The following GSE1 variants were observed in gnomAD, a reference collection of about 807,000 sequenced individuals.
GSE1 encodes Gse1 coiled-coil protein.
GSE1 carries 32 observed loss-of-function variants against 112.6 expected under a neutral mutation model. The observed-to-expected ratio is 0.28, with a 90% CI of 0.21 to 0.38. The LOEUF (loss-of-function observed/expected upper bound fraction) is 0.38, where lower values mean the gene tolerates loss of function less well. GSE1 is among the 10% of genes least tolerant of loss of function. The probability of loss-of-function intolerance (pLI) is 1.00; values close to 1 mark genes in which losing one functional copy is unlikely to be tolerated. For missense variants in GSE1, 2,348 were observed against 1,699.2 expected (o/e 1.38, Z -6.71); for synonymous variants, 1,115 against 735.6 (o/e 1.52, Z -8.35).
In GSE1 at chr16:85,654,900, C is replaced by G. The variant is rs764185314; in HGVS notation, c.706C>G (p.Leu236Val). ...CACCGACGACCTCCGCATGTCCTCA[C>G]TGCCTCCCCTCGGCCTGGACCCGGC... ...HTTDDLRMSS[L>V]PPLGLDPATA... The change falls in exon 5 of 16, where the codon CTG (leucine) becomes GTG (valine). Residue 236 changes from leucine to valine, a missense_variant. Transcript: ENST00000253458. 3.7e-6 allele frequency: 6 copies of G among 1,611,950 alleles called. No individual in the cohort carries two copies. Among genetic ancestry groups the G allele is most frequent in the Non-Finnish European group, 5.1e-6 (6 of 1,179,570 alleles).
At chr16:85,306,515 C>T (rs2045683211) in intron 1 of GSE1, among the ~76,000 whole-genome samples, 1 of 152,182 alleles carries the variant, frequency 6.6e-6, no homozygotes, top group African/African-American at 2.4e-5. Flanking sequence ...AGGAGAAAGG[C>T]TTTGAGTCAG....
intron 1 of GSE1, among the ~76,000 whole-genome samples, chr16:85,629,242 C>G (rs1276486528): frequency 6.6e-6 from 1 of 152,216 alleles, no homozygotes; most frequent in Admixed American, 6.5e-5. Context: ...TCGGGTATTT[C>G]TTTATAGCAA....
chr16:85,338,419 C>T (rs1015301599), intron 1 of GSE1, among the ~76,000 whole-genome samples: 1 of 152,176 alleles, frequency 6.6e-6, no homozygotes, highest in Admixed American at 6.5e-5. Context: ...AGAGCTGGCT[C>T]TGTGTGACGT....
At chr16:85,413,113 A>C (rs949249967) in intron 2 of GSE1, among the ~76,000 whole-genome samples, 5 of 152,132 alleles carry the variant, frequency 3.3e-5, no homozygotes, top group African/African-American at 4.8e-5. Context: ...TTCCAGGCCG[A>C]GCGCCCTTTT....
At chr16:85,554,945 G>A (rs1279230211), upstream of GSE1, 2 of 985,398 alleles carry the variant, frequency 2.0e-6, no homozygotes, top group Non-Finnish European at 2.4e-6. Context: ...CCCTCCCCGG[G>A]TTTGGAGAGG....
intron 1 of GSE1, among the ~76,000 whole-genome samples, chr16:85,332,046 G>A (rs146165162): frequency 0.017 from 2,536 of 151,776 alleles, 27 homozygotes; most frequent in Non-Finnish European, 0.027. Context: ...GGGCCCTTTG[G>A]CAACCATCTG....
upstream of GSE1, chr16:85,555,666 C>G (rs189434869): frequency 2.2e-6 from 2 of 912,404 alleles, no homozygotes; most frequent in South Asian, 5.1e-5. Context: ...AGAGATACCC[C>G]CTCCCGCCGC....
At chr16:85,656,230 C>T (rs2051917139) in intron 6 of GSE1, 113 bp from the exon 7 acceptor site, 1 of 1,321,060 alleles carries the variant, frequency 7.6e-7, no homozygotes, top group Non-Finnish European at 1.0e-6. Context: ...CCTCCCGTCA[C>T]TGTTCAGATT....
chr16:85,222,569 T>A (rs1444074265), intron 1 of GSE1, among the ~76,000 whole-genome samples: 3 of 152,200 alleles, frequency 2.0e-5, no homozygotes, highest in Non-Finnish European at 4.4e-5. Context: ...AATAGCCAGT[T>A]CCCACCCCCA....
intron 1 of GSE1, among the ~76,000 whole-genome samples, chr16:85,315,463 G>A (rs146770916): frequency 3.9e-5 from 6 of 152,296 alleles, no homozygotes; most frequent in African/African-American, 9.6e-5. Flanking sequence ...GAGGGAGCCC[G>A]TGCTGAGTGC....
intron 1 of GSE1, among the ~76,000 whole-genome samples, chr16:85,194,205 GC>G (rs2074884076): frequency 6.6e-6 from 1 of 152,240 alleles, no homozygotes; most frequent in South Asian, 2.1e-4. Context: ...GTGTCCGGGC[GC>G]CCTTGTGGTC....
At chr16:85,543,303 A>G (rs981164349) in intron 2 of GSE1, among the ~76,000 whole-genome samples, 70 of 152,298 alleles carry the variant, frequency 4.6e-4, no homozygotes, top group African/African-American at 1.6e-3. Context: ...CCAACCGGAC[A>G]TAGCCTGGAT....
intron 1 of GSE1, among the ~76,000 whole-genome samples, chr16:85,239,546 C>T (rs1240131909): frequency 6.6e-6 from 1 of 152,228 alleles, no homozygotes; most frequent in Non-Finnish European, 1.5e-5. Context: ...AGCCTGGCCT[C>T]AGGATCCTGG....
intron 2 of GSE1, among the ~76,000 whole-genome samples, chr16:85,366,176 T>C (rs1455193061): frequency 6.6e-6 from 1 of 152,268 alleles, no homozygotes; most frequent in Non-Finnish European, 1.5e-5. Context: ...TTGGTAAGCC[T>C]TGCCTGTAGC....
intron 9 of GSE1, 136 bp from the exon 10 acceptor site, chr16:85,662,845 G>C: frequency 1.6e-6 from 1 of 631,768 alleles, no homozygotes; most frequent in Non-Finnish European, 2.8e-6. Flanking sequence ...TCGGTTGAAA[G>C]GAACTGGCCT....
chr16:85,582,686 G>A (rs964360475), intron 1 of GSE1, among the ~76,000 whole-genome samples: 1 of 152,118 alleles, frequency 6.6e-6, no homozygotes, highest in Non-Finnish European at 1.5e-5. Context: ...GATAAATTGA[G>A]CTTCTCTTCT....
At chr16:85,559,409 C>T (rs2045404874) in intron 1 of GSE1, among the ~76,000 whole-genome samples, 1 of 152,218 alleles carries the variant, frequency 6.6e-6, no homozygotes, top group East Asian at 1.9e-4. Flanking sequence ...TGCTTCGGGC[C>T]TGTGGTTCTG....
intron 1 of GSE1, among the ~76,000 whole-genome samples, chr16:85,243,429 G>A (rs1905319442): frequency 6.6e-6 from 1 of 152,240 alleles, no homozygotes; most frequent in Non-Finnish European, 1.5e-5. Flanking sequence ...CAGTTTTGCT[G>A]CTGAAACTGT....
chr16:85,555,853 C>T (rs1216550420), upstream of GSE1: 3 of 917,364 alleles, frequency 3.3e-6, no homozygotes, highest in Non-Finnish European at 3.9e-6. Flanking sequence ...ATGAGTAATC[C>T]CTGAAGATCT....
Sources: allele counts gnomAD v4.1 joint callset (sites outside exome capture counted in the v4.1 genomes callset), GRCh38; gene constraint gnomAD v4.1.1; transcripts MANE v1.5; gene names NCBI Gene and HGNC (gene_info 2026-07-23, HGNC 2026-07-21).